TC2N: variants seen among roughly 807,000 people sequenced by gnomAD.
The protein encoded by TC2N is tandem C2 domains, nuclear.
TC2N carries 51 observed loss-of-function variants against 61.9 expected under a neutral mutation model. The observed-to-expected ratio is 0.82, with a 90% CI of 0.66 to 1.04. The LOEUF (loss-of-function observed/expected upper bound fraction) is 1.04. Among genes scored for constraint, TC2N ranks in the 50% least tolerant of loss-of-function variants. The pLI is 0.00. For missense variants in TC2N, 556 were observed against 566.7 expected, an observed-to-expected ratio of 0.98 and a Z score of 0.19; for synonymous variants, 204 against 192.6, an observed-to-expected ratio of 1.06 and a Z score of -0.49.
In TC2N at chr14:91,800,378, A is replaced by C; in HGVS notation, c.470-6T>G. On this transcript the variant is annotated splice_polypyrimidine_tract_variant and splice_region_variant and intron_variant, in intron 4 of 11. Coordinates refer to ENST00000435962, the MANE Select transcript of TC2N (RefSeq NM_001128596.3). The stretch of plus-strand genomic sequence containing the variant: ...GTTCGTCCTTAAATCACAAACTACA[A>C]AGGGATATGAGAAAAGTATATATTT... 3 of 1,529,238 alleles carry C rather than the reference A, an allele frequency of 2.0e-6. No individual in the cohort carries two copies. The South Asian group carries it at 3.5e-5, about 18-fold the overall frequency. The allele number at this position is 1,529,238 out of a possible 1,614,324, so 94.7% of individuals were successfully genotyped here.
rs1888070873 is a variant in TC2N, at chr14:91,837,569, T to C, written c.-56-23744A>G. Among the ~76,000 whole-genome samples, 1 of 152,088 alleles carries C rather than the reference T, an allele frequency of 6.6e-6. No individual in the cohort carries two copies. The highest frequency in any genetic ancestry group is 6.5e-5 in the Admixed American group (1 of 15,268). Reference sequence around the variant, plus strand: ...TGGGACTGTAAAATTGAAAGAAAGGTTCATACTTTTCCTTCTGGAGAGCAG... The same window carrying C: ...TGGGACTGTAAAATTGAAAGAAAGGCTCATACTTTTCCTTCTGGAGAGCAG... On this transcript the variant is annotated intron_variant, in intron 1 of 11. Transcript: ENST00000435962. This position sits in a 1 kb window ranked among gnomAD's most constrained non-coding sequence, Gnocchi z 4.2.
At chr14:91,826,992 T>A (rs934421537) in intron 1 of TC2N, among the ~76,000 whole-genome samples, 1 of 152,232 alleles carries the variant, frequency 6.6e-6, no homozygotes, top group East Asian at 1.9e-4. Context: ...ATAAATAGCA[T>A]TTAGTTAAAG....
At chr14:91,830,033 C>T (rs1887681922) in intron 1 of TC2N, among the ~76,000 whole-genome samples, 1 of 152,004 alleles carries the variant, frequency 6.6e-6, no homozygotes, top group South Asian at 2.1e-4. Flanking sequence ...ATCAAAAAGA[C>T]AGACAAAAAA....
At chr14:91,794,648 C>G (rs901288346) in intron 8 of TC2N, among the ~76,000 whole-genome samples, 1 of 151,734 alleles carries the variant, frequency 6.6e-6, no homozygotes, top group African/African-American at 2.4e-5. Flanking sequence ...CTATTGAGAT[C>G]TACTGCTCAA....
chr14:91,856,592 G>A (rs896726453), intron 1 of TC2N, among the ~76,000 whole-genome samples: 4 of 151,942 alleles, frequency 2.6e-5, no homozygotes, highest in Non-Finnish European at 4.4e-5. Context: ...AATTTCCTCC[G>A]CTGTCCCCAG....
At chr14:91,814,784 C>T (rs1364024897) in intron 1 of TC2N, among the ~76,000 whole-genome samples, 4 of 151,602 alleles carry the variant, frequency 2.6e-5, no homozygotes, top group Admixed American at 6.6e-5. Flanking sequence ...AATAGCATTA[C>T]TCCATGTGAA....
At position 91,827,245 on chromosome 14, in the gene TC2N, A is replaced by T. The variant is rs35125847; in HGVS notation, c.-56-13420T>A. On this transcript the variant is annotated intron_variant, in intron 1 of 11. Coordinates refer to ENST00000435962, the MANE Select transcript of TC2N (RefSeq NM_001128596.3). ...GTATTACTTTCCTATTGCTGTTGCA[A>T]CAAATTACCACAAATTTAATGGCTT... 4.5e-3 allele frequency among the ~76,000 whole-genome samples: 680 copies of T among 152,246 alleles called. 2 individuals carry two copies. Among genetic ancestry groups the T allele is most frequent in the Non-Finnish European group, 7.5e-3 (509 of 68,016 alleles).
intron 4 of TC2N, 68 bp from the exon 5 acceptor site, chr14:91,800,440 C>A: frequency 1.2e-6 from 1 of 832,668 alleles, no homozygotes; most frequent in South Asian, 2.0e-5. Flanking sequence ...TTACCATGAA[C>A]TAAATCTCTG....
chr14:91,859,795 GAGA>G (rs1888555043), intron 1 of TC2N, among the ~76,000 whole-genome samples: 1 of 152,212 alleles, frequency 6.6e-6, no homozygotes, highest in African/African-American at 2.4e-5. Context: ...AATGGGCAAA[GAGA>G]AGAACTGCAT....
At chr14:91,856,943 C>A (rs1037247514) in intron 1 of TC2N, among the ~76,000 whole-genome samples, 14 of 152,210 alleles carry the variant, frequency 9.2e-5, no homozygotes, top group Non-Finnish European at 8.8e-5. Flanking sequence ...CAGCTGTTTT[C>A]AGATCACTTG....
chr14:91,832,430 C>T (rs1455644387), intron 1 of TC2N, among the ~76,000 whole-genome samples: 2 of 148,274 alleles, frequency 1.3e-5, no homozygotes, highest in African/African-American at 5.0e-5. Flanking sequence ...AAAAAAACAA[C>T]AACAAAAAAA....
Position 91,798,338 on chromosome 14 carries a change from A to G in TC2N, c.699T>C (p.Tyr233=), listed in dbSNP as rs1319778948. Residue 233 remains tyrosine (Y), a synonymous_variant, in exon 7 of 12, where the codon TAT becomes TAC. Coordinates refer to ENST00000435962, the MANE Select transcript of TC2N (RefSeq NM_001128596.3). ...DFGRLNVKLF[Y]NSSVEQIWIT... ...TCCAGATCTGTTCTACTGAAGAATT[A>G]TAAAACAATTTCACATTCAGTCTCC... The G allele has an allele frequency of 6.3e-7, 1 of 1,595,990 alleles. No homozygotes were observed. Among genetic ancestry groups the G allele is most frequent in the Admixed American group, 1.7e-5 (1 of 57,424 alleles).
chr14:91,843,877 ATCCTATTTTT>A (rs1888211431), intron 1 of TC2N, among the ~76,000 whole-genome samples: 1 of 148,892 alleles, frequency 6.7e-6, no homozygotes, highest in South Asian at 2.1e-4. Flanking sequence ...ATGCTTTATA[ATCCTATTTTT>A]TTTCAGACAT....
chr14:91,826,215 G>A (rs761602925), intron 1 of TC2N, among the ~76,000 whole-genome samples: 1 of 151,074 alleles, frequency 6.6e-6, no homozygotes, highest in Non-Finnish European at 1.5e-5. Context: ...AGTTACACGG[G>A]AAGCTGAGGT....
At chr14:91,865,653 G>A (rs957438216) in intron 1 of TC2N, among the ~76,000 whole-genome samples, 2 of 151,916 alleles carry the variant, frequency 1.3e-5, no homozygotes, top group Non-Finnish European at 2.9e-5. Context: ...GCATTTATTA[G>A]TGTTTCCTTT....
At chr14:91,802,455 C>T (rs773609862) in intron 3 of TC2N, 34 bp from the exon 4 acceptor site, 2 of 1,600,604 alleles carry the variant, frequency 1.2e-6, no homozygotes, top group Non-Finnish European at 1.7e-6. Flanking sequence ...TTTATAACAT[C>T]CTTTTCTTGG....
rs1439190031 is a variant in TC2N, at chr14:91,837,617, C to G, written c.-56-23792G>C. The stretch of plus-strand genomic sequence containing the variant: ...CAGTCTTTCCCAGAGTGAGTTCTGT[C>G]CATCTCAAGGTCCTAGAGATGCTGC... On this transcript the variant is annotated intron_variant, in intron 1 of 11. Coordinates refer to ENST00000435962, the MANE Select transcript of TC2N (RefSeq NM_001128596.3). This position sits in a 1 kb window ranked among gnomAD's most constrained non-coding sequence, Gnocchi z 4.2. Among the ~76,000 whole-genome samples, 1 of 152,194 alleles carries G rather than the reference C, an allele frequency of 6.6e-6. No individual in the cohort carries two copies.
chr14:91,821,541 A>G (rs1887253713), intron 1 of TC2N, among the ~76,000 whole-genome samples: 1 of 152,104 alleles, frequency 6.6e-6, no homozygotes, highest in African/African-American at 2.4e-5. Flanking sequence ...TAAAACTTCA[A>G]AACTCTTAGA....
rs970400073 is a variant in TC2N, at chr14:91,825,323, C to T, written c.-56-11498G>A. On this transcript the variant is annotated intron_variant, in intron 1 of 11. Coordinates refer to ENST00000435962, the MANE Select transcript of TC2N (RefSeq NM_001128596.3). The stretch of plus-strand genomic sequence containing the variant: ...CTGGGATTACAGGTGTGAGCCACCG[C>T]GCCTGGCCATCCTTGTAATTTTCAC... Among the ~76,000 whole-genome samples the T allele has an allele frequency of 1.1e-4, 16 of 152,000 alleles. 1 individual carries two copies. The South Asian group carries it at 2.5e-3, about 24-fold the overall frequency.
Sources: allele counts gnomAD v4.1 joint callset (sites outside exome capture counted in the v4.1 genomes callset), GRCh38; gene constraint gnomAD v4.1.1; non-coding constraint Gnocchi (gnomAD v3.1); transcripts MANE v1.5; gene names NCBI Gene and HGNC (gene_info 2026-07-23, HGNC 2026-07-21).